The following GRM7 variants were observed in gnomAD, a reference collection of about 807,000 sequenced individuals.
GRM7 encodes metabotropic glutamate receptor 7.
Under a neutral mutation model 84.5 loss-of-function variants are expected in GRM7, and 35 were observed. That is an observed-to-expected ratio of 0.41 (90% CI 0.32 to 0.55). The LOEUF is 0.55. GRM7 is among the 20% of genes least tolerant of loss of function. The probability of loss-of-function intolerance (pLI) is 0.19; values close to 1 mark genes in which losing one functional copy is unlikely to be tolerated. For missense variants in GRM7, 1,003 were observed against 1,194.6 expected (o/e 0.84, Z 2.36); for synonymous variants, 487 against 455.1 (o/e 1.07, Z -0.89).
chr3:7,200,211 C>T (rs1696019014), intron 2 of GRM7, among the ~76,000 whole-genome samples: 1 of 152,128 alleles, frequency 6.6e-6, no homozygotes, highest in African/African-American at 2.4e-5. Context: ...GGATTTTCCC[C>T]CATAATACAA....
intron 2 of GRM7, among the ~76,000 whole-genome samples, chr3:7,187,661 C>A (rs75774293): frequency 1.5e-5 from 1 of 68,860 alleles, no homozygotes; most frequent in Non-Finnish European, 3.2e-5. Flanking sequence ...CATATTTAAA[C>A]CCACTTTTAA....
At chr3:7,449,356 A>G (rs1016377193) in intron 5 of GRM7, among the ~76,000 whole-genome samples, 1 of 152,132 alleles carries the variant, frequency 6.6e-6, no homozygotes, top group African/African-American at 2.4e-5. Context: ...GAAGATACAG[A>G]TAGGAAGATT....
intron 2 of GRM7, among the ~76,000 whole-genome samples, chr3:7,253,089 C>A (rs9848006): frequency 0.86 from 128,894 of 149,016 alleles, 55,830 homozygotes; most frequent in East Asian, 0.98. Context: ...CAAGGAGCTA[C>A]AGTTGAGGGG....
intron 8 of GRM7, among the ~76,000 whole-genome samples, chr3:7,598,415 A>C (rs936941442): frequency 6.6e-6 from 1 of 152,176 alleles, no homozygotes; most frequent in South Asian, 2.1e-4. Context: ...GTCCTTTGAT[A>C]ACACAGGCAG....
chr3:7,059,794 G>GAACTCAGC (rs1378591108), intron 1 of GRM7, among the ~76,000 whole-genome samples: 1 of 151,730 alleles, frequency 6.6e-6, no homozygotes, highest in Non-Finnish European at 1.5e-5. Context: ...TGCCATGTGA[G>GAACTCAGC]AACTCAGCAT....
intron 2 of GRM7, among the ~76,000 whole-genome samples, chr3:7,226,716 A>G (rs187271729): frequency 6.6e-6 from 1 of 152,246 alleles, no homozygotes; most frequent in Non-Finnish European, 1.5e-5. Flanking sequence ...GAATAAATCA[A>G]ACTTCCTTCC....
intron 8 of GRM7, among the ~76,000 whole-genome samples, chr3:7,599,861 T>C (rs1696233033): frequency 6.6e-6 from 1 of 151,840 alleles, no homozygotes. Context: ...TACACGGTCG[T>C]GGGGGGTGGG....
chr3:7,728,659 T>C (rs1328599923), intron 9 of GRM7, among the ~76,000 whole-genome samples: 1 of 152,234 alleles, frequency 6.6e-6, no homozygotes, highest in African/African-American at 2.4e-5. Context: ...AAGGCTCTTA[T>C]GGAACATGTT....
intron 2 of GRM7, among the ~76,000 whole-genome samples, chr3:7,161,833 C>T (rs568115447): frequency 2.0e-5 from 3 of 152,102 alleles, no homozygotes; most frequent in African/African-American, 4.8e-5. Context: ...AACCATATAG[C>T]GTTAGGCAAA....
intron 8 of GRM7, among the ~76,000 whole-genome samples, chr3:7,623,387 T>A (rs114183289): frequency 6.6e-6 from 1 of 152,160 alleles, no homozygotes; most frequent in Non-Finnish European, 1.5e-5. Flanking sequence ...GCTTCATGTA[T>A]CTTAAATTTT....
chr3:6,887,807 C>G (rs537173613), intron 1 of GRM7, among the ~76,000 whole-genome samples: 14 of 152,234 alleles, frequency 9.2e-5, no homozygotes, highest in Non-Finnish European at 1.6e-4. Flanking sequence ...AATGGCCACA[C>G]TGTCTTCCAC....
At chr3:7,095,744 T>A (rs931134362) in intron 1 of GRM7, among the ~76,000 whole-genome samples, 8 of 152,114 alleles carry the variant, frequency 5.3e-5, no homozygotes, top group African/African-American at 1.9e-4. Context: ...AATTATGACT[T>A]CTGTGCCCAT....
intron 1 of GRM7, among the ~76,000 whole-genome samples, chr3:6,977,231 T>G (rs1694034198): frequency 6.6e-6 from 1 of 152,170 alleles, no homozygotes; most frequent in Non-Finnish European, 1.5e-5. Flanking sequence ...GCATGGCAGA[T>G]TAGATGTTAT....
intron 1 of GRM7, among the ~76,000 whole-genome samples, chr3:7,073,229 A>C (rs1697948003): frequency 6.6e-6 from 1 of 152,118 alleles, no homozygotes; most frequent in South Asian, 2.1e-4. Flanking sequence ...TAAAATAGTT[A>C]AATGCATCCA....
At chr3:7,078,719 G>C (rs1574871961) in intron 1 of GRM7, among the ~76,000 whole-genome samples, 1 of 152,136 alleles carries the variant, frequency 6.6e-6, no homozygotes. Flanking sequence ...ATTGCAAATT[G>C]TTTAACTTGT....
intron 4 of GRM7, among the ~76,000 whole-genome samples, chr3:7,411,640 G>T (rs1429153571): frequency 6.6e-6 from 1 of 151,946 alleles, no homozygotes; most frequent in East Asian, 1.9e-4. Context: ...TTATTTTCTG[G>T]TTTGCACATT....
chr3:7,579,019 A>G lies in GRM7; in HGVS notation c.2113A>G (p.Ile705Val), dbSNP rs976543125. 7 of 1,613,822 alleles carry G rather than the reference A, an allele frequency of 4.3e-6. No individual in the cohort carries two copies. Among genetic ancestry groups the G allele is most frequent in the East Asian group, 2.2e-5 (1 of 44,892 alleles). Reference sequence around the variant, plus strand: ...CATAAGCCCAACATCACAACTGGCAATCACTTCCAGTTTAATATCAGTTCA... The same window carrying G: ...CATAAGCCCAACATCACAACTGGCAGTCACTTCCAGTTTAATATCAGTTCA... ...RLISPTSQLA[I>V]TSSLISVQLL... The change falls in exon 8 of 10, where the codon ATC becomes GTC. Residue 705 changes from isoleucine to valine, a missense_variant. Physicochemically the swap from Ile to Val is conservative, Grantham distance 29. Transcript: ENST00000357716.
At chr3:7,465,634 T>C (rs1698431991) in intron 7 of GRM7, among the ~76,000 whole-genome samples, 1 of 152,162 alleles carries the variant, frequency 6.6e-6, no homozygotes, top group South Asian at 2.1e-4. Context: ...TGCTTTCCTC[T>C]AGTCAATGGA....
At chr3:7,661,499 G>C (rs890474325) in intron 8 of GRM7, among the ~76,000 whole-genome samples, 3 of 152,170 alleles carry the variant, frequency 2.0e-5, no homozygotes, top group African/African-American at 7.2e-5. Flanking sequence ...CTGCTGATAA[G>C]AATATAAAAT....
Sources: allele counts gnomAD v4.1 joint callset (sites outside exome capture counted in the v4.1 genomes callset), GRCh38; gene constraint gnomAD v4.1.1; transcripts MANE v1.5; gene names NCBI Gene and HGNC (gene_info 2026-07-23, HGNC 2026-07-21).